UBL5: variants seen among roughly 807,000 people sequenced by gnomAD.
The protein encoded by UBL5 is ubiquitin like 5.
In UBL5, 13 loss-of-function variants were observed where a neutral mutation model predicts 11.7. The ratio of observed to expected loss-of-function variants is 1.11; its 90% CI spans 0.73 to 1.77. The LOEUF (loss-of-function observed/expected upper bound fraction) is 1.77, where lower values mean the gene tolerates loss of function less well. Ranked by LOEUF, UBL5 falls within the 40% of genes most tolerant of loss-of-function variation. The probability of loss-of-function intolerance (pLI) is 0.00; values close to 1 mark genes in which losing one functional copy is unlikely to be tolerated. For missense variants in UBL5, 58 were observed against 92.3 expected (o/e 0.63, Z 1.52); for synonymous variants, 28 against 34.7 (o/e 0.81, Z 0.68).
chr19:9,829,880 C>T, intron 4 of UBL5, 85 bp from the exon 5 acceptor site: 2 of 1,544,018 alleles, frequency 1.3e-6, no homozygotes, highest in Middle Eastern at 1.7e-4. Flanking sequence ...GGGCTGAGAC[C>T]TCAGGCCACC....
chr19:9,828,781 G>T (rs2046039846), intron 3 of UBL5, 56 bp from the exon 4 acceptor site: 1 of 1,611,686 alleles, frequency 6.2e-7, no homozygotes, highest in African/African-American at 1.3e-5. Context: ...ACCTCATTTG[G>T]CCTACAGACT....
chr19:9,828,351 T>C lies in UBL5; in HGVS notation c.14T>C (p.Val5Ala). MIEVVCNDRLGKKVR... is the reference protein window; with the variant it reads MIEVACNDRLGKKVR... ...GCTCCAGCTAGGATGATCGAGGTTG[T>C]TTGCAACGACCGTCTGGGGAAGAAG... The change falls in exon 2 of 5, where the codon GTT (valine) becomes GCT (alanine). Residue 5 changes from valine to alanine, a missense_variant. Physicochemically the swap from Val to Ala is moderately conservative, Grantham distance 64. Transcript: ENST00000586895. 1 of 1,613,992 alleles carries C rather than the reference T, an allele frequency of 6.2e-7. No individual in the cohort carries two copies. Among genetic ancestry groups the C allele is most frequent in the Non-Finnish European group, 8.5e-7 (1 of 1,179,988 alleles).
At chr19:9,829,581 T>C (rs1032324239) in intron 4 of UBL5, 9 of 191,810 alleles carry the variant, frequency 4.7e-5, no homozygotes, top group African/African-American at 1.4e-4. Context: ...CTGCAGCCTC[T>C]ACCTCCCAGG....
chr19:9,828,126 C>T, intron 1 of UBL5, 142 bp downstream of exon 1: 1 of 603,150 alleles, frequency 1.7e-6, no homozygotes, highest in Non-Finnish European at 2.9e-6. Flanking sequence ...AGGCGCGGCT[C>T]CCCGGGGTTC....
chr19:9,829,669 G>T (rs570756698), intron 4 of UBL5: 1 of 315,324 alleles, frequency 3.2e-6, no homozygotes, highest in African/African-American at 2.1e-5. Context: ...CTAACTTTTT[G>T]TATTTTTAGT....
At chr19:9,828,518 A>G (rs2046037673) in intron 2 of UBL5, 74 bp from the exon 3 acceptor site, 2 of 1,608,696 alleles carry the variant, frequency 1.2e-6, no homozygotes, top group Non-Finnish European at 1.7e-6. Context: ...GGGTCCTGGC[A>G]GATGGTATTC....
At chr19:9,828,425 C>T (rs768218929) in intron 2 of UBL5, 32 bp downstream of exon 2, 1 of 1,613,906 alleles carries the variant, frequency 6.2e-7, no homozygotes, top group Admixed American at 1.7e-5. Flanking sequence ...GCAGTGGTAC[C>T]CGCAGGGGTG....
chr19:9,829,853 T>C, intron 4 of UBL5, 112 bp from the exon 5 acceptor site: 2 of 1,213,262 alleles, frequency 1.6e-6, no homozygotes, highest in African/African-American at 1.5e-5. Context: ...TGGTCCAAAA[T>C]GGGCTTCCTT....
chr19:9,829,146 T>C (rs2046041680), intron 4 of UBL5: 1 of 494,336 alleles, frequency 2.0e-6, no homozygotes, highest in Non-Finnish European at 3.6e-6. Flanking sequence ...CAGGCATATC[T>C]ATTGTGCAAA....
chr19:9,827,945 T>TGAG lies in UBL5; in HGVS notation c.-47_-45dup, dbSNP rs1336112764. 2 of 302,168 alleles carry TGAG rather than the reference T, an allele frequency of 6.6e-6. No individual in the cohort carries two copies. The highest frequency in any genetic ancestry group is 1.3e-5 in the Non-Finnish European group (2 of 157,528). The allele number at this position is 302,168 out of a possible 1,614,324, so 18.7% of individuals were successfully genotyped here. A position where few individuals can be genotyped will look rare whatever the true frequency, so the allele number is the denominator to read the frequency against. On this transcript the variant is annotated 5_prime_UTR_variant, in exon 1 of 5. Coordinates refer to ENST00000586895, the MANE Select transcript of UBL5 (RefSeq NM_001048241.3). ...CTGCGACCGGGGTTCAGCGCTCGGGTGAGGAGCTGGTGGCGTCGGCAGGTT... is the reference window on the plus strand; with the variant it reads ...CTGCGACCGGGGTTCAGCGCTCGGGTGAGGAGGAGCTGGTGGCGTCGGCAGGTT...
At chr19:9,828,782 C>T (rs2046039857) in intron 3 of UBL5, 55 bp from the exon 4 acceptor site, 2 of 1,610,890 alleles carry the variant, frequency 1.2e-6, no homozygotes, top group East Asian at 2.2e-5. Context: ...CCTCATTTGG[C>T]CTACAGACTG....
intron 4 of UBL5, chr19:9,829,091 ACCT>A (rs2046041393): frequency 3.3e-6 from 2 of 601,394 alleles, no homozygotes; most frequent in Non-Finnish European, 3.0e-6. Context: ...TTTATTACTG[ACCT>A]CCACCTGAGT....
intron 4 of UBL5, chr19:9,829,460 C>G (rs1046134641): frequency 1.2e-5 from 2 of 160,754 alleles, no homozygotes; most frequent in African/African-American, 4.9e-5. Context: ...GGATTATAGC[C>G]GTGAGCCACT....
intron 4 of UBL5, 153 bp from the exon 5 acceptor site, chr19:9,829,804 CTTTTGTAA>C (rs1188169205): frequency 1.4e-6 from 1 of 720,674 alleles, no homozygotes; most frequent in African/African-American, 1.8e-5. Flanking sequence ...GCCAGAAATT[CTTTTGTAA>C]AGTTTTGGTT....
At chr19:9,828,301 T>TCCC in intron 1 of UBL5, 26 bp from the exon 2 acceptor site, 7 of 1,597,576 alleles carry the variant, frequency 4.4e-6, no homozygotes, top group South Asian at 1.1e-5. Context: ...CTTTGCTGCC[T>TCCC]CCCACCCACC....
chr19:9,830,086 A>C lies in UBL5; in HGVS notation c.*78A>C. 6.3e-7 allele frequency: 1 copy of C among 1,576,470 alleles called. No individual in the cohort carries two copies. Among genetic ancestry groups the C allele is most frequent in the Non-Finnish European group, 8.7e-7 (1 of 1,149,442 alleles). ...CACTGGGATAGATGCTTGTTTGTAA[A>C]AACTCACCTTAATAAAGACTTAGAT... On this transcript the variant is annotated 3_prime_UTR_variant, in exon 5 of 5. Coordinates refer to ENST00000586895, the MANE Select transcript of UBL5 (RefSeq NM_001048241.3).
At chr19:9,828,195 C>A in intron 1 of UBL5, 132 bp from the exon 2 acceptor site, 2 of 839,440 alleles carry the variant, frequency 2.4e-6, no homozygotes, top group Non-Finnish European at 3.9e-6. Flanking sequence ...GGGTTGGGGG[C>A]AGAACGGAAG....
intron 1 of UBL5, 49 bp downstream of exon 1, chr19:9,828,033 C>T (rs941534015): frequency 7.4e-5 from 37 of 497,754 alleles, no homozygotes; most frequent in Non-Finnish European, 1.2e-4. Context: ...GCTGTCGCGA[C>T]CCAGCCACCC....
chr19:9,829,752 C>T, intron 4 of UBL5: 1 of 539,652 alleles, frequency 1.9e-6, no homozygotes, highest in Non-Finnish European at 3.3e-6. Flanking sequence ...CTGCTTCGTC[C>T]TCTCAAAGTG....
Sources: gnomAD v4.1 joint callset for allele counts on GRCh38, gnomAD v4.1.1 for gene constraint, MANE v1.5 for transcripts, NCBI Gene and HGNC (gene_info 2026-07-23, HGNC 2026-07-21) for gene names.